CSF1R: variants seen among roughly 807,000 people sequenced by gnomAD.
The protein encoded by CSF1R is colony stimulating factor 1 receptor.
Under a neutral mutation model 110.0 loss-of-function variants are expected in CSF1R, and 40 were observed. That is an observed-to-expected ratio of 0.36 (90% CI 0.28 to 0.47). The LOEUF (loss-of-function observed/expected upper bound fraction) is 0.47. Ranked by LOEUF, CSF1R falls within the 20% of genes least tolerant of loss-of-function variation. CSF1R has a pLI of 0.99. For missense variants in CSF1R, 1,052 were observed against 1,253.0 expected, an observed-to-expected ratio of 0.84 and a Z score of 2.42; for synonymous variants, 523 against 503.4, an observed-to-expected ratio of 1.04 and a Z score of -0.52.
Position 150,053,776 on chromosome 5 carries a change from A to C in CSF1R, c.*293T>G, listed in dbSNP as rs749067795. On this transcript the variant is annotated 3_prime_UTR_variant, in exon 21 of 21. Coordinates refer to ENST00000675795, the MANE Select transcript of CSF1R (RefSeq NM_001288705.3). The stretch of plus-strand genomic sequence containing the variant: ...TCCATGAAGATAAGGGGATTAGGAA[A>C]GAAGGTTCTACTAGTTGGCATAGCA... The C allele has an allele frequency of 3.8e-5, 19 of 502,520 alleles. 1 individual carries two copies. Among genetic ancestry groups the C allele is most frequent in the Admixed American group, 3.1e-4 (9 of 28,670 alleles). 31.1% of individuals were successfully genotyped at this position (502,520 alleles called of 1,614,324 possible). A position where few individuals can be genotyped will look rare whatever the true frequency, so the allele number is the denominator to read the frequency against.
chr5:150,069,674 G>A (rs73275640), intron 9 of CSF1R, among the ~76,000 whole-genome samples, 199 bp downstream of exon 9: 3,253 of 152,182 alleles, frequency 0.021, 107 homozygotes, highest in African/African-American at 0.074. Context: ...AGACTACCCC[G>A]TCCTACTGCT....
intron 10 of CSF1R, among the ~76,000 whole-genome samples, chr5:150,067,419 C>T (rs899319640): frequency 6.6e-6 from 1 of 152,222 alleles, no homozygotes; most frequent in Non-Finnish European, 1.5e-5. Flanking sequence ...CCTCTCAGAA[C>T]CTCAGTTTAC....
chr5:150,107,652 T>C (rs1309869950), intron 1 of CSF1R, among the ~76,000 whole-genome samples: 1 of 152,198 alleles, frequency 6.6e-6, no homozygotes, highest in South Asian at 2.1e-4. Flanking sequence ...CCACTGTCTT[T>C]CATCAATGGC....
At chr5:150,057,637 C>G in intron 14 of CSF1R, 45 bp from the exon 15 acceptor site, 1 of 1,454,138 alleles carries the variant, frequency 6.9e-7, no homozygotes, top group Non-Finnish European at 9.7e-7. Context: ...CTCATCATCA[C>G]TGCACTGCTC....
intron 1 of CSF1R, among the ~76,000 whole-genome samples, chr5:150,106,862 G>C (rs1038290468): frequency 3.3e-5 from 5 of 152,172 alleles, no homozygotes; most frequent in Non-Finnish European, 7.3e-5. Flanking sequence ...CTGAGTCCCT[G>C]TCTTATAGTC....
At chr5:150,097,443 A>G in intron 1 of CSF1R, among the ~76,000 whole-genome samples, 1 of 152,072 alleles carries the variant, frequency 6.6e-6, no homozygotes, top group Non-Finnish European at 1.5e-5. Context: ...AGAAGAAAGA[A>G]AAAAGAAAGA....
chr5:150,084,904 G>A (rs549473305), intron 1 of CSF1R, among the ~76,000 whole-genome samples: 16 of 152,282 alleles, frequency 1.1e-4, no homozygotes, highest in African/African-American at 1.7e-4. Flanking sequence ...AGGGGGTGGC[G>A]GGTACACTGT....
chr5:150,064,847 A>G (rs1757688747), intron 10 of CSF1R, among the ~76,000 whole-genome samples: 1 of 152,078 alleles, frequency 6.6e-6, no homozygotes, highest in Non-Finnish European at 1.5e-5. Context: ...CTGCCTCAGG[A>G]ACCCTCCCCT....
chr5:150,084,331 A>G, intron 1 of CSF1R, among the ~76,000 whole-genome samples: 1 of 136,778 alleles, frequency 7.3e-6, no homozygotes, highest in Non-Finnish European at 1.6e-5. Flanking sequence ...ACTCGGTCTC[A>G]AAAAGATAGA....
At chr5:150,075,396 C>CT (rs1338380862) in intron 5 of CSF1R, among the ~76,000 whole-genome samples, 1 of 152,138 alleles carries the variant, frequency 6.6e-6, no homozygotes, top group Non-Finnish European at 1.5e-5. Context: ...TCTGAGACCA[C>CT]TTTTTTTCTC....
At chr5:150,064,178 G>A (rs1451487309) in intron 10 of CSF1R, among the ~76,000 whole-genome samples, 1 of 152,144 alleles carries the variant, frequency 6.6e-6, no homozygotes, top group African/African-American at 2.4e-5. Flanking sequence ...AGCGGGCGAG[G>A]GTTGAAAAAC....
chr5:150,057,239 G>A (rs375119067), intron 16 of CSF1R, 48 bp downstream of exon 16: 11 of 1,551,640 alleles, frequency 7.1e-6, no homozygotes, highest in African/African-American at 4.1e-5. Context: ...CAGCCTCCCC[G>A]GAGCACAGAC....
intron 1 of CSF1R, among the ~76,000 whole-genome samples, chr5:150,101,003 A>G (rs1759386616): frequency 6.6e-6 from 1 of 151,830 alleles, no homozygotes; most frequent in Non-Finnish European, 1.5e-5. Flanking sequence ...GATCGCATGA[A>G]TGGTCCCAAT....
intron 5 of CSF1R, among the ~76,000 whole-genome samples, chr5:150,074,465 G>A (rs777601223): frequency 2.9e-4 from 44 of 152,058 alleles, no homozygotes; most frequent in Middle Eastern, 3.4e-3. Flanking sequence ...ATGCCACCAC[G>A]CCCAGCTACT....
At chr5:150,098,434 C>T (rs1427092375) in intron 1 of CSF1R, 1 of 152,854 alleles carries the variant, frequency 6.5e-6, no homozygotes, top group East Asian at 1.9e-4. Context: ...GTGTTTACAA[C>T]AAATTGATCA....
At chr5:150,086,250 C>G (rs1365683746) in intron 1 of CSF1R, 129 bp downstream of exon 1, 1 of 857,136 alleles carries the variant, frequency 1.2e-6, no homozygotes, top group Admixed American at 2.4e-5. Context: ...ACCCACAAGC[C>G]TGCAGTCCAG....
intron 1 of CSF1R, among the ~76,000 whole-genome samples, chr5:150,096,955 A>G (rs1159381381): frequency 6.6e-6 from 1 of 152,220 alleles, no homozygotes; most frequent in African/African-American, 2.4e-5. Context: ...GATCCTAGAC[A>G]CTGTAGTAAG....
chr5:150,099,535 C>A (rs116729678), intron 1 of CSF1R, among the ~76,000 whole-genome samples: 1 of 152,142 alleles, frequency 6.6e-6, no homozygotes, highest in Non-Finnish European at 1.5e-5. Flanking sequence ...TACAATAGAA[C>A]GCTACTCAGC....
At chr5:150,102,473 T>C (rs1379877309) in intron 1 of CSF1R, among the ~76,000 whole-genome samples, 1 of 152,194 alleles carries the variant, frequency 6.6e-6, no homozygotes, top group African/African-American at 2.4e-5. Context: ...TATTGATTCA[T>C]TGGACTATTT....
Sources: allele counts gnomAD v4.1 joint callset (sites outside exome capture counted in the v4.1 genomes callset), GRCh38; gene constraint gnomAD v4.1.1; transcripts MANE v1.5; gene names NCBI Gene and HGNC (gene_info 2026-07-23, HGNC 2026-07-21).